The following MAGI1 variants were observed in gnomAD, a reference collection of about 807,000 sequenced individuals.
The protein encoded by MAGI1 is membrane-associated guanylate kinase, WW and PDZ domain-containing protein 1.
In MAGI1, 58 loss-of-function variants were observed where a neutral mutation model predicts 139.9. The observed-to-expected ratio is 0.41, with a 90% CI of 0.34 to 0.52. MAGI1 has a LOEUF of 0.52. Ranked by LOEUF, MAGI1 falls within the 20% of genes least tolerant of loss-of-function variation. The pLI is 0.12. For synonymous variants in MAGI1, 812 were observed against 737.9 expected, an observed-to-expected ratio of 1.10 and a Z score of -1.63; for missense variants, 1,874 against 1,901.6, an observed-to-expected ratio of 0.99 and a Z score of 0.27.
chr3:65,399,248 G>A (rs1395519292), intron 13 of MAGI1, among the ~76,000 whole-genome samples: 4 of 152,124 alleles, frequency 2.6e-5, no homozygotes, highest in Non-Finnish European at 5.9e-5. Flanking sequence ...ATGGCTTTCT[G>A]GTACCAGGAC....
intron 2 of MAGI1, among the ~76,000 whole-genome samples, chr3:65,529,511 C>A (rs556590552): frequency 6.6e-6 from 1 of 152,304 alleles, no homozygotes; most frequent in South Asian, 2.1e-4. Context: ...GTTTTCAAGG[C>A]ATGTAATGTG....
intron 12 of MAGI1, among the ~76,000 whole-genome samples, chr3:65,403,439 G>C (rs1218436934): frequency 1.3e-5 from 2 of 152,062 alleles, no homozygotes; most frequent in African/African-American, 4.8e-5. Context: ...ACGATTAAGT[G>C]CTTTTTTTGG....
Position 65,429,802 on chromosome 3 carries a change from C to G in MAGI1, c.1885G>C (p.Val629Leu), listed in dbSNP as rs769707840. The change falls in exon 12 of 23, where the codon GTT becomes CTT. Residue 629 changes from valine to leucine, a missense_variant. This residue lies in a region of MAGI1 where 482 missense variants were observed against 509.6 expected (regional missense o/e 0.95). Transcript: ENST00000402939. Reference protein sequence around the residue: ...NSSHGYPNDTVSLASSIATQP... With the variant: ...NSSHGYPNDTLSLASSIATQP... ...GTGGCTATGGAGGAAGCCAAAGAAA[C>G]AGTGTCATTAGGATAACCATGAGAA... The G allele has an allele frequency of 6.2e-6, 10 of 1,613,866 alleles. No homozygotes were observed. In the African/African-American group the frequency reaches 1.2e-4, roughly 19 times the overall value.
At chr3:65,871,842 T>C (rs2059949643) in intron 1 of MAGI1, among the ~76,000 whole-genome samples, 1 of 152,206 alleles carries the variant, frequency 6.6e-6, no homozygotes, top group African/African-American at 2.4e-5. Context: ...CCCCACGCAG[T>C]CATTGTCCCT....
chr3:65,798,034 A>G (rs2040258966), intron 1 of MAGI1, among the ~76,000 whole-genome samples: 1 of 152,180 alleles, frequency 6.6e-6, no homozygotes, highest in South Asian at 2.1e-4. Flanking sequence ...GGCCTGGTGC[A>G]GTGGCTCACA....
At chr3:65,846,986 A>AAAAAACAAC (rs1319131446) in intron 1 of MAGI1, among the ~76,000 whole-genome samples, 2 of 151,004 alleles carry the variant, frequency 1.3e-5, no homozygotes, top group African/African-American at 2.4e-5. Context: ...CAAAAAAAAA[A>AAAAAACAAC]AAAAAAAAAA....
rs370188261 is a variant in MAGI1, at chr3:65,510,271, T to G, written c.431-16640A>C. ...CCTCTCCTCCTCCAAAGGAACGCAG[T>G]TCCTCACCAGCAACGGAACAAAGCT... is the stretch of plus-strand genomic sequence containing the variant. On this transcript the variant is annotated intron_variant, in intron 2 of 22. Coordinates refer to ENST00000402939, the MANE Select transcript of MAGI1 (RefSeq NM_001033057.2). 1.4e-4 allele frequency among the ~76,000 whole-genome samples: 21 copies of G among 152,310 alleles called. No homozygotes were observed. In the East Asian group the frequency reaches 2.1e-3, roughly 15 times the overall value.
intron 1 of MAGI1, among the ~76,000 whole-genome samples, chr3:65,867,739 C>A (rs1050301763): frequency 6.6e-6 from 1 of 151,968 alleles, no homozygotes; most frequent in Non-Finnish European, 1.5e-5. Flanking sequence ...AGCAACAGAG[C>A]GAGACCCTGA....
At chr3:65,684,568 G>C (rs1055062081) in intron 1 of MAGI1, among the ~76,000 whole-genome samples, 2 of 152,162 alleles carry the variant, frequency 1.3e-5, no homozygotes, top group African/African-American at 4.8e-5. Context: ...TATTAGCACT[G>C]TTCAATATCT....
chr3:65,466,973 C>T (rs1050840412), intron 5 of MAGI1, among the ~76,000 whole-genome samples: 2 of 152,194 alleles, frequency 1.3e-5, no homozygotes, highest in East Asian at 1.9e-4. Context: ...CTTTCCTGAT[C>T]CTTTGGCTAG....
chr3:65,828,324 T>C (rs1293087805), intron 1 of MAGI1, among the ~76,000 whole-genome samples: 1 of 152,194 alleles, frequency 6.6e-6, no homozygotes, highest in East Asian at 1.9e-4. Context: ...TGAACTTTTA[T>C]AGGAGGAAGG....
chr3:65,915,537 T>A (rs545488071), intron 1 of MAGI1, among the ~76,000 whole-genome samples: 51 of 152,306 alleles, frequency 3.3e-4, no homozygotes, highest in Admixed American at 8.5e-4. Context: ...TTTCTTTTTT[T>A]AAAATCCCTG....
At chr3:65,444,994 A>G (rs1331173208) in intron 7 of MAGI1, among the ~76,000 whole-genome samples, 1 of 152,228 alleles carries the variant, frequency 6.6e-6, no homozygotes, top group Non-Finnish European at 1.5e-5. Flanking sequence ...ATTTGGTTCT[A>G]AAAGACTGAA....
At chr3:65,792,460 C>CGAT (rs1293937750) in intron 1 of MAGI1, among the ~76,000 whole-genome samples, 3 of 151,670 alleles carry the variant, frequency 2.0e-5, no homozygotes, top group Admixed American at 2.0e-4. Flanking sequence ...CTCTCTCAAA[C>CGAT]GATGATAATA....
intron 1 of MAGI1, among the ~76,000 whole-genome samples, chr3:65,729,715 C>T (rs2033994174): frequency 6.6e-6 from 1 of 152,210 alleles, no homozygotes; most frequent in Admixed American, 6.5e-5. Flanking sequence ...ACTTCCTGAC[C>T]TTTTCAGCTG....
At chr3:65,701,370 A>T (rs2107611861) in intron 1 of MAGI1, among the ~76,000 whole-genome samples, 1 of 152,208 alleles carries the variant, frequency 6.6e-6, no homozygotes, top group African/African-American at 2.4e-5. Flanking sequence ...CTCCTGTTTC[A>T]GCCTCCCAAG....
chr3:65,488,852 T>G (rs373238976), intron 3 of MAGI1, among the ~76,000 whole-genome samples: 2 of 150,960 alleles, frequency 1.3e-5, no homozygotes, highest in African/African-American at 4.9e-5. Context: ...TTGTATTTTT[T>G]TATAGAGATG....
intron 1 of MAGI1, among the ~76,000 whole-genome samples, chr3:65,886,670 T>C (rs1345481160): frequency 2.0e-5 from 3 of 152,198 alleles, no homozygotes; most frequent in African/African-American, 4.8e-5. Flanking sequence ...AATATCTCTA[T>C]AATGACAGAG....
At chr3:65,828,250 A>C (rs886446618) in intron 1 of MAGI1, among the ~76,000 whole-genome samples, 5 of 152,162 alleles carry the variant, frequency 3.3e-5, no homozygotes, top group Non-Finnish European at 7.4e-5. Flanking sequence ...CCAGAGGAGG[A>C]CCATCAGGTT....
Sources: gnomAD v4.1 joint callset for allele counts (sites outside exome capture counted in the v4.1 genomes callset) on GRCh38, gnomAD v4.1.1 for gene constraint, gnomAD v4.1.1 regional missense constraint, MANE v1.5 for transcripts, NCBI Gene and HGNC (gene_info 2026-07-23, HGNC 2026-07-21) for gene names.